Variants in CAMK1G observed in about 807,000 individuals in gnomAD.
The protein encoded by CAMK1G is calcium/calmodulin-dependent protein kinase type 1G.
A neutral mutation model predicts 54.8 loss-of-function variants in CAMK1G; 27 were observed. The ratio of observed to expected loss-of-function variants is 0.49; its 90% CI spans 0.36 to 0.68. The LOEUF (loss-of-function observed/expected upper bound fraction) is 0.68, where lower values mean the gene tolerates loss of function less well. Ranked by LOEUF, CAMK1G falls within the 30% of genes least tolerant of loss-of-function variation. The probability of loss-of-function intolerance (pLI) is 0.00; values close to 1 mark genes in which losing one functional copy is unlikely to be tolerated. For synonymous variants in CAMK1G, 238 were observed against 224.9 expected (o/e 1.06, Z -0.52); for missense variants, 512 against 591.0 (o/e 0.87, Z 1.39).
At chr1:209,591,847 C>G (rs1302339929) in intron 1 of CAMK1G, among the ~76,000 whole-genome samples, 1 of 152,174 alleles carries the variant, frequency 6.6e-6, no homozygotes, top group African/African-American at 2.4e-5. Flanking sequence ...GCCCTGATCC[C>G]AGCTGTTTGC....
In CAMK1G at chr1:209,612,391, C is replaced by T. The variant is rs545211240; in HGVS notation, c.1340+175C>T. 181 of 685,862 alleles carry T rather than the reference C, an allele frequency of 2.6e-4. 4 individuals carry two copies. The South Asian group carries it at 3.5e-3, about 13-fold the overall frequency. 42.5% of individuals were successfully genotyped at this position (685,862 alleles called of 1,614,324 possible). ...CTTCCAGCCCTGTCCCCATCACTTA[C>T]TAGTTGTGAGGCCATTGACGAGTCA... is the stretch of plus-strand genomic sequence containing the variant. On this transcript the variant is annotated intron_variant, in intron 11 of 12. Transcript: ENST00000361322.
chr1:209,588,373 ATTG>A (rs1412286518), intron 1 of CAMK1G, among the ~76,000 whole-genome samples: 5 of 92,558 alleles, frequency 5.4e-5, no homozygotes, highest in African/African-American at 1.9e-4. Flanking sequence ...ATTGGATTGG[ATTG>A]GATTGGATTG....
At chr1:209,608,068 C>T (rs567694298) in intron 7 of CAMK1G, 135 bp downstream of exon 7, 42 of 606,932 alleles carry the variant, frequency 6.9e-5, no homozygotes, top group South Asian at 3.8e-4. Context: ...CAGGGGCACA[C>T]GGGTACACAC....
At chr1:209,606,207 G>C in intron 5 of CAMK1G, 113 bp from the exon 6 acceptor site, 1 of 1,355,426 alleles carries the variant, frequency 7.4e-7, no homozygotes, top group Non-Finnish European at 1.0e-6. Context: ...GGATGAGCTG[G>C]CCTTGAAGTC....
chr1:209,589,321 C>T (rs1389363902), intron 1 of CAMK1G, among the ~76,000 whole-genome samples: 1 of 152,112 alleles, frequency 6.6e-6, no homozygotes, highest in Non-Finnish European at 1.5e-5. Context: ...GCACTAGTGT[C>T]CCTGAAATTA....
intron 9 of CAMK1G, 116 bp from the exon 10 acceptor site, chr1:209,611,347 CTG>C (rs1051011368): frequency 3.7e-6 from 3 of 810,416 alleles, no homozygotes; most frequent in Non-Finnish European, 6.0e-6. Flanking sequence ...CTGCTGTGGG[CTG>C]TCTTTCCTCT....
intron 11 of CAMK1G, 67 bp from the exon 12 acceptor site, chr1:209,612,718 C>G: frequency 7.4e-7 from 1 of 1,345,382 alleles, no homozygotes; most frequent in Admixed American, 1.7e-5. Flanking sequence ...ACTACCACCT[C>G]TGCCCTGCCC....
chr1:209,611,416 G>A (rs745446104), intron 9 of CAMK1G, 49 bp from the exon 10 acceptor site: 2 of 1,564,040 alleles, frequency 1.3e-6, no homozygotes, highest in Non-Finnish European at 8.8e-7. Context: ...CTCCCTGGAT[G>A]AGTGTAAATA....
At position 209,612,796 on chromosome 1, in the gene CAMK1G, C is replaced by A; in HGVS notation, c.1352C>A (p.Ser451Ter). The A allele has an allele frequency of 6.2e-7, 1 of 1,613,996 alleles. No homozygotes were observed. Among genetic ancestry groups the A allele is most frequent in the South Asian group, 1.1e-5 (1 of 91,054 alleles). The change falls in exon 12 of 13, where the codon TCG (serine) becomes TAG (stop). Residue 451 changes from serine (S) to a stop codon, truncating the protein, a stop_gained. Coordinates refer to ENST00000361322, the MANE Select transcript of CAMK1G (RefSeq NM_020439.3). LOFTEE classifies it high-confidence loss of function. ...KKANKKQNFK[S>*]EVMVPVKASG... ...CATTTCCTTTCTAGGAACTTCAAGT[C>A]GGAGGTCATGGTACCAGTTAAAGCC...
chr1:209,602,826 T>C (rs1050143533), intron 3 of CAMK1G, among the ~76,000 whole-genome samples: 2 of 152,220 alleles, frequency 1.3e-5, no homozygotes, highest in Non-Finnish European at 2.9e-5. Flanking sequence ...ACTCAACCTG[T>C]ACTTTTTAAG....
In CAMK1G at chr1:209,612,791, C is replaced by G; in HGVS notation, c.1347C>G (p.Phe449Leu). 6.2e-7 allele frequency: 1 copy of G among 1,614,030 alleles called. No homozygotes were observed. The highest frequency in any genetic ancestry group is 1.1e-5 in the South Asian group (1 of 91,072). Residue 449 changes from phenylalanine (F) to leucine (L), a missense_variant, in exon 12 of 13, where the codon TTC becomes TTG. Physicochemically the swap from Phe to Leu is conservative, Grantham distance 22. Around this residue, in one of 3 missense-constraint regions of CAMK1G, gnomAD observed 315 missense variants for 330.5 expected, o/e 0.95. Coordinates refer to ENST00000361322, the MANE Select transcript of CAMK1G (RefSeq NM_020439.3). ...TGCTTCATTTCCTTTCTAGGAACTT[C>G]AAGTCGGAGGTCATGGTACCAGTTA... ...LLKKANKKQN[F>L]KSEVMVPVKA...
At chr1:209,606,651 G>A (rs965942550) in intron 6 of CAMK1G, among the ~76,000 whole-genome samples, 1 of 152,136 alleles carries the variant, frequency 6.6e-6, no homozygotes, top group African/African-American at 2.4e-5. Context: ...TTTAAAGACC[G>A]CCTACCCCTG....
chr1:209,600,226 G>C, intron 3 of CAMK1G, 115 bp downstream of exon 3: 1 of 1,216,796 alleles, frequency 8.2e-7, no homozygotes. Flanking sequence ...TGCTCACTTT[G>C]ATTGAGTTGA....
At chr1:209,595,098 CG>C (rs536723414) in intron 2 of CAMK1G, 23 bp downstream of exon 2, 1,821 of 1,587,158 alleles carry the variant, frequency 1.1e-3, no homozygotes, top group Middle Eastern at 2.5e-3. Context: ...GCTGTGAGGT[CG>C]GGTGGGCTGG....
At chr1:209,585,060 G>A (rs1037235817) in intron 1 of CAMK1G, among the ~76,000 whole-genome samples, 1 of 152,178 alleles carries the variant, frequency 6.6e-6, no homozygotes, top group African/African-American at 2.4e-5. Context: ...GCTGGTGATG[G>A]TGGTGGCAAC....
intron 2 of CAMK1G, 66 bp from the exon 3 acceptor site, chr1:209,599,917 C>G (rs1665485527): frequency 6.3e-7 from 1 of 1,592,088 alleles, no homozygotes; most frequent in African/African-American, 1.3e-5. Flanking sequence ...TTTCTGAGGT[C>G]TTACATCTGG....
At chr1:209,589,531 C>A (rs970768477) in intron 1 of CAMK1G, among the ~76,000 whole-genome samples, 8 of 152,198 alleles carry the variant, frequency 5.3e-5, no homozygotes, top group African/African-American at 1.9e-4. Flanking sequence ...ACCTTCTATA[C>A]TCATCTTAAG....
intron 7 of CAMK1G, 49 bp downstream of exon 7, chr1:209,607,982 G>T: frequency 6.9e-7 from 1 of 1,450,816 alleles, no homozygotes; most frequent in East Asian, 2.3e-5. Context: ...CTCGGAGCCT[G>T]CTTACCCCTT....
intron 4 of CAMK1G, among the ~76,000 whole-genome samples, chr1:209,603,964 G>C (rs1665586960): frequency 6.6e-6 from 1 of 152,160 alleles, no homozygotes; most frequent in African/African-American, 2.4e-5. Context: ...AACTGCTGTA[G>C]AGGTTGGTCA....
Sources: gnomAD v4.1 joint callset for allele counts (sites outside exome capture counted in the v4.1 genomes callset) on GRCh38, gnomAD v4.1.1 for gene constraint, gnomAD v4.1.1 regional missense constraint, MANE v1.5 for transcripts, NCBI Gene and HGNC (gene_info 2026-07-23, HGNC 2026-07-21) for gene names.